FGF14: variants seen among roughly 807,000 people sequenced by gnomAD.
FGF14 encodes the protein fibroblast growth factor homologous factor 4.
A neutral mutation model predicts 25.5 loss-of-function variants in FGF14; 5 were observed. The ratio of observed to expected loss-of-function variants is 0.20; its 90% CI spans 0.10 to 0.41. The LOEUF (loss-of-function observed/expected upper bound fraction) is 0.41, where lower values mean the gene tolerates loss of function less well. Ranked by LOEUF, FGF14 falls within the 10% of genes least tolerant of loss-of-function variation. The pLI is 1.00. For missense variants in FGF14, 222 were observed against 320.1 expected, an observed-to-expected ratio of 0.69 and a Z score of 2.34; for synonymous variants, 138 against 118.3, an observed-to-expected ratio of 1.17 and a Z score of -1.08.
At chr13:102,141,062 A>G (rs2046623104) in intron 1 of FGF14, among the ~76,000 whole-genome samples, 1 of 152,234 alleles carries the variant, frequency 6.6e-6, no homozygotes, top group Non-Finnish European at 1.5e-5. Context: ...AAACATGGCT[A>G]CCAATAGTTT....
At chr13:101,920,276 T>C (rs541285456), upstream of FGF14, among the ~76,000 whole-genome samples, 1 of 152,298 alleles carries the variant, frequency 6.6e-6, no homozygotes, top group African/African-American at 2.4e-5. Flanking sequence ...TTTGACGTTA[T>C]AAAGAGGAAA....
At position 102,364,119 on chromosome 13, in the gene FGF14, C is replaced by T. The variant is rs1315088553; in HGVS notation, c.208+37352G>A. ...CTACTTTTTTATTATAAGGAAGATG[C>T]CGTAAGTGCCACTGGATTTTACACT... On this transcript the variant is annotated intron_variant, in intron 1 of 4. Transcript: ENST00000376131. 2.0e-5 allele frequency among the ~76,000 whole-genome samples: 3 copies of T among 152,196 alleles called. No individual in the cohort carries two copies. The East Asian group carries it at 5.8e-4, about 29-fold the overall frequency.
intron 1 of FGF14, among the ~76,000 whole-genome samples, chr13:102,382,437 C>T (rs145056036): frequency 4.6e-5 from 7 of 152,110 alleles, no homozygotes; most frequent in Non-Finnish European, 8.8e-5. Context: ...TACTTCACAG[C>T]CACCAAAATT....
At chr13:101,878,477 TAA>T (rs1226487474) in intron 1 of FGF14, among the ~76,000 whole-genome samples, 2 of 152,216 alleles carry the variant, frequency 1.3e-5, no homozygotes, top group Non-Finnish European at 2.9e-5. Flanking sequence ...AGTAGATTTA[TAA>T]GTTATATTAT....
chr13:101,957,070 T>C lies in FGF14; in HGVS notation c.209-81774A>G, dbSNP rs560672022. Among the ~76,000 whole-genome samples, 38 of 152,280 alleles carry C rather than the reference T, an allele frequency of 2.5e-4. 1 individual carries two copies. The South Asian group carries it at 7.5e-3, about 30-fold the overall frequency. On this transcript the variant is annotated intron_variant, in intron 1 of 4. Coordinates refer to the FGF14 transcript ENST00000376131. ...GAATCTGCTTCATGAATGCAGATGC[T>C]TTCCAGGATATAAAGATACTGAACT...
At chr13:102,005,389 A>C (rs930223443) in intron 1 of FGF14, among the ~76,000 whole-genome samples, 1 of 152,226 alleles carries the variant, frequency 6.6e-6, no homozygotes, top group Non-Finnish European at 1.5e-5. Flanking sequence ...TGCCAGCACC[A>C]TACAAAACAT....
At chr13:101,736,056 C>T (rs1445408645) in intron 3 of FGF14, among the ~76,000 whole-genome samples, 1 of 152,118 alleles carries the variant, frequency 6.6e-6, no homozygotes, top group African/African-American at 2.4e-5. Context: ...AATACTCAGG[C>T]ATCAAAGTAG....
chr13:102,143,052 C>T (rs928402879), intron 1 of FGF14, among the ~76,000 whole-genome samples: 2 of 152,102 alleles, frequency 1.3e-5, no homozygotes, highest in Admixed American at 1.3e-4. Context: ...CTTGAGATTC[C>T]ACCATGGTTT....
intron 1 of FGF14, among the ~76,000 whole-genome samples, chr13:102,180,250 C>G (rs948380457): frequency 6.6e-6 from 1 of 152,118 alleles, no homozygotes; most frequent in Non-Finnish European, 1.5e-5. Context: ...ACTGTCATTT[C>G]CATGCTATAA....
At chr13:102,051,649 C>T (rs1464999397) in intron 1 of FGF14, among the ~76,000 whole-genome samples, 1 of 152,208 alleles carries the variant, frequency 6.6e-6, no homozygotes, top group African/African-American at 2.4e-5. Flanking sequence ...CATTTGCCAA[C>T]TCTGACCTTA....
In FGF14 at chr13:102,338,404, G is replaced by A. The variant is rs1282877955; in HGVS notation, c.208+63067C>T. On this transcript the variant is annotated intron_variant, in intron 1 of 4. Coordinates refer to the FGF14 transcript ENST00000376131. ...ACTGGAGAATCCTGCTCTGGAGAGA[G>A]TGGGGGAAAATGTGGACATACTGAC... Among the ~76,000 whole-genome samples, 3 of 152,224 alleles carry A rather than the reference G, an allele frequency of 2.0e-5. No homozygotes were observed. The East Asian group carries it at 5.8e-4, about 29-fold the overall frequency.
At chr13:101,761,908 C>G (rs1376044880) in intron 3 of FGF14, among the ~76,000 whole-genome samples, 1 of 152,100 alleles carries the variant, frequency 6.6e-6, no homozygotes, top group Non-Finnish European at 1.5e-5. Context: ...GAACACAAAC[C>G]AACACAAGAG....
intron 1 of FGF14, among the ~76,000 whole-genome samples, chr13:101,976,205 AG>A (rs1448065311): frequency 6.6e-6 from 1 of 152,168 alleles, no homozygotes; most frequent in Non-Finnish European, 1.5e-5. Context: ...AGTATAATCC[AG>A]TGATTTCCAA....
Position 101,722,161 on chromosome 13 carries a change from A to G in FGF14, c.*670T>C, listed in dbSNP as rs1351458376. Reference sequence around the variant, plus strand: ...CAGTATCTGCTACTGGACAGAGCGTATATGTGTGTTTAATCGATAGTGTGA... The same window carrying G: ...CAGTATCTGCTACTGGACAGAGCGTGTATGTGTGTTTAATCGATAGTGTGA... On this transcript the variant is annotated 3_prime_UTR_variant, in exon 5 of 5. Coordinates refer to ENST00000376143, the MANE Select transcript of FGF14 (RefSeq NM_004115.4). 5 of 165,630 alleles carry G rather than the reference A, an allele frequency of 3.0e-5. No homozygotes were observed. In the South Asian group the frequency reaches 6.3e-4, roughly 21 times the overall value. The allele number at this position is 165,630 out of a possible 1,614,324, so 10.3% of individuals were successfully genotyped here. A position where few individuals can be genotyped will look rare whatever the true frequency, so the allele number is the denominator to read the frequency against.
chr13:102,157,781 G>A (rs1358402980), intron 1 of FGF14, among the ~76,000 whole-genome samples: 2 of 152,146 alleles, frequency 1.3e-5, no homozygotes, highest in African/African-American at 4.8e-5. Context: ...ATCTGACAAA[G>A]GGCTAATATC....
intron 1 of FGF14, among the ~76,000 whole-genome samples, chr13:102,097,666 A>G (rs1482988149): frequency 1.3e-5 from 2 of 152,226 alleles, no homozygotes; most frequent in Non-Finnish European, 2.9e-5. Context: ...TCTGGTGGGT[A>G]TAAGATGACT....
intron 1 of FGF14, among the ~76,000 whole-genome samples, chr13:101,886,608 A>T (rs149010351): frequency 1.4e-3 from 212 of 152,314 alleles, no homozygotes; most frequent in Middle Eastern, 0.01. Flanking sequence ...AGAAATCATT[A>T]AAGAATTTCT....
intron 1 of FGF14, chr13:102,263,241 A>C (rs748170484): frequency 4.8e-6 from 2 of 414,068 alleles, no homozygotes; most frequent in Non-Finnish European, 9.3e-6. Flanking sequence ...CCACGATGGC[A>C]GAGAAAGGAC....
intron 1 of FGF14, among the ~76,000 whole-genome samples, chr13:101,923,045 G>A (rs529029556): frequency 1.6e-4 from 25 of 151,952 alleles, no homozygotes; most frequent in African/African-American, 5.1e-4. Context: ...TAGGTACTTC[G>A]ATGAAAGAAA....
Sources: allele counts gnomAD v4.1 joint callset (sites outside exome capture counted in the v4.1 genomes callset), GRCh38; gene constraint gnomAD v4.1.1; transcripts MANE v1.5; gene names NCBI Gene and HGNC (gene_info 2026-07-23, HGNC 2026-07-21).